GHRH: variants seen among roughly 807,000 people sequenced by gnomAD.
GHRH encodes somatoliberin.
GHRH carries 7 observed loss-of-function variants against 15.6 expected under a neutral mutation model. The observed-to-expected ratio is 0.45, with a 90% CI of 0.26 to 0.84. The LOEUF is 0.84. Among genes scored for constraint, GHRH ranks in the 40% least tolerant of loss-of-function variants. GHRH has a pLI of 0.18. For synonymous variants in GHRH, 54 were observed against 50.4 expected, an observed-to-expected ratio of 1.07 and a Z score of -0.30; for missense variants, 117 against 138.0, an observed-to-expected ratio of 0.85 and a Z score of 0.76.
chr20:37,256,606 C>T (rs2146750089), intron 2 of GHRH, 108 bp from the exon 3 acceptor site: 1 of 764,426 alleles, frequency 1.3e-6, no homozygotes, highest in South Asian at 1.7e-5. Context: ...GCCATCTGTC[C>T]CACTCACCCC....
chr20:37,260,389 C>G (rs2068681266), intron 1 of GHRH, among the ~76,000 whole-genome samples: 1 of 147,842 alleles, frequency 6.8e-6, no homozygotes, highest in Non-Finnish European at 1.5e-5. Context: ...ATGGCGAGAC[C>G]CCATCTCTAC....
At chr20:37,251,947 CTG>C (rs1336725476) in intron 4 of GHRH, among the ~76,000 whole-genome samples, 1 of 152,152 alleles carries the variant, frequency 6.6e-6, no homozygotes, top group African/African-American at 2.4e-5. Flanking sequence ...TCTGCGGGCT[CTG>C]TGATTTCAAT....
At position 37,258,028 on chromosome 20, in the gene GHRH, T is replaced by C. The variant is rs1050590711; in HGVS notation, c.-19-1120A>G. Among the ~76,000 whole-genome samples, 1 of 152,194 alleles carries C rather than the reference T, an allele frequency of 6.6e-6. No homozygotes were observed. Among genetic ancestry groups the C allele is most frequent in the Non-Finnish European group, 1.5e-5 (1 of 68,022 alleles). On this transcript the variant is annotated intron_variant, in intron 1 of 4. Transcript: ENST00000373614. The surrounding 1 kb of genome is among the most constrained non-coding windows in gnomAD (Gnocchi z 4.1). ...GACTGAAGAGCCGGGGGATCCAGTG[T>C]GGCGCAGTCATCTCATAGGTCCTGT...
intron 1 of GHRH, among the ~76,000 whole-genome samples, chr20:37,260,929 G>T (rs1412552307): frequency 6.6e-6 from 1 of 152,126 alleles, no homozygotes; most frequent in African/African-American, 2.4e-5. Context: ...ACCCAAATTC[G>T]CAAGGCCATT....
At chr20:37,256,637 T>A (rs2068657843) in intron 2 of GHRH, 139 bp from the exon 3 acceptor site, 2 of 729,148 alleles carry the variant, frequency 2.7e-6, no homozygotes, top group Admixed American at 2.6e-5. Context: ...CAGACCCCTC[T>A]GAGTGACCTC....
intron 4 of GHRH, 131 bp from the exon 5 acceptor site, chr20:37,251,362 G>T: frequency 3.0e-6 from 2 of 666,282 alleles, no homozygotes; most frequent in Non-Finnish European, 2.5e-6. Context: ...GAGGCAGTGT[G>T]GGGTGGAGGG....
rs756954591 is a variant in GHRH at position 37,256,908 on chromosome 20, C to G, written c.-19G>C. The G allele has an allele frequency of 3.2e-6, 5 of 1,585,054 alleles. No individual in the cohort carries two copies. On this transcript the variant is annotated splice_region_variant and 5_prime_UTR_variant, in exon 2 of 5. Coordinates refer to ENST00000373614, the MANE Select transcript of GHRH (RefSeq NM_021081.6). Reference sequence around the variant, plus strand: ...GTGGCATCCTTCACCCGGGGTGGCACCTGCAGAGTGACAGGAGGGGAAGGT... The same window carrying G: ...GTGGCATCCTTCACCCGGGGTGGCAGCTGCAGAGTGACAGGAGGGGAAGGT...
Position 37,259,601 on chromosome 20 carries a change from G to C in GHRH, c.-20+2142C>G, listed in dbSNP as rs113193191. On this transcript the variant is annotated intron_variant, in intron 1 of 4. Transcript: ENST00000373614. The stretch of plus-strand genomic sequence containing the variant: ...AATAAAGCTCAAACCCCTTCTCTTG[G>C]CTTAAGCTCTCCCTCTGCCTGCCCC... 1.7e-3 allele frequency among the ~76,000 whole-genome samples: 265 copies of C among 152,156 alleles called. 2 individuals carry two copies. The highest frequency in any genetic ancestry group is 6.2e-3 in the African/African-American group (257 of 41,510).
In GHRH at chr20:37,256,961, C is replaced by T. The variant is rs895403832; in HGVS notation, c.-19-53G>A. ...GGTACAGCCACAGCCATTGGGATGG[C>T]CTTCACTGGCCCAGCCCTGGGCTTG... On this transcript the variant is annotated intron_variant, in intron 1 of 4. Coordinates refer to ENST00000373614, the MANE Select transcript of GHRH (RefSeq NM_021081.6). 1.8e-5 allele frequency: 19 copies of T among 1,083,928 alleles called. No homozygotes were observed. In the African/African-American group the frequency reaches 2.9e-4, roughly 17 times the overall value. The allele number at this position is 1,083,928 out of a possible 1,614,324, so 67.1% of individuals were successfully genotyped here.
chr20:37,254,371 G>C (rs1157029123), intron 3 of GHRH, 42 bp from the exon 4 acceptor site: 3 of 1,611,596 alleles, frequency 1.9e-6, no homozygotes, highest in Non-Finnish European at 1.7e-6. Context: ...ATTTGGGTAG[G>C]ATGTGGAAAG....
chr20:37,256,342 C>T, intron 3 of GHRH, 52 bp downstream of exon 3: 2 of 1,197,558 alleles, frequency 1.7e-6, no homozygotes, highest in Non-Finnish European at 2.4e-6. Context: ...GAACAAGCTC[C>T]TGCAGACTCT....
intron 3 of GHRH, 64 bp from the exon 4 acceptor site, chr20:37,254,393 T>C: frequency 1.3e-6 from 2 of 1,542,070 alleles, no homozygotes; most frequent in East Asian, 2.2e-5. Context: ...CAGGGGTATA[T>C]CCCTATGCCT....
intron 2 of GHRH, 136 bp from the exon 3 acceptor site, chr20:37,256,634 C>T (rs897293771): frequency 1.4e-6 from 1 of 724,316 alleles, no homozygotes; most frequent in Non-Finnish European, 2.3e-6. Context: ...ACTCAGACCC[C>T]TCTGAGTGAC....
intron 1 of GHRH, among the ~76,000 whole-genome samples, chr20:37,259,868 C>G (rs886711500): frequency 6.6e-6 from 1 of 152,230 alleles, no homozygotes; most frequent in Non-Finnish European, 1.5e-5. Flanking sequence ...CATGCAGCAG[C>G]CTCCCAGGTA....
chr20:37,251,759 G>T (rs945315260), intron 4 of GHRH, among the ~76,000 whole-genome samples: 1 of 152,184 alleles, frequency 6.6e-6, no homozygotes, highest in African/African-American at 2.4e-5. Context: ...TCCTTACAGG[G>T]CTGTTACGTG....
In GHRH at chr20:37,256,902, G is replaced by T; in HGVS notation, c.-13C>A. 6.3e-7 allele frequency: 1 copy of T among 1,597,350 alleles called. No individual in the cohort carries two copies. Among genetic ancestry groups the T allele is most frequent in the Non-Finnish European group, 8.5e-7 (1 of 1,170,424 alleles). ...CCCAGAGTGGCATCCTTCACCCGGG[G>T]TGGCACCTGCAGAGTGACAGGAGGG... On this transcript the variant is annotated 5_prime_UTR_variant, in exon 2 of 5. Transcript: ENST00000373614.
At chr20:37,257,088 T>C (rs1386302457) in intron 1 of GHRH, among the ~76,000 whole-genome samples, 180 bp from the exon 2 acceptor site, 1 of 152,228 alleles carries the variant, frequency 6.6e-6, no homozygotes, top group Non-Finnish European at 1.5e-5. Context: ...GTTCTGCCTC[T>C]GCCAGCCACC....
Position 37,258,820 on chromosome 20 carries a change from G to A in GHRH, c.-19-1912C>T, listed in dbSNP as rs189573668. The stretch of plus-strand genomic sequence containing the variant: ...AGTGGTGCAATCATAGCTCACTACA[G>A]CCTCAAACTCCTGGGCTCAAGCAAT... On this transcript the variant is annotated intron_variant, in intron 1 of 4. Coordinates refer to ENST00000373614, the MANE Select transcript of GHRH (RefSeq NM_021081.6). This position sits in a 1 kb window ranked among gnomAD's most constrained non-coding sequence, Gnocchi z 4.1. 2.8e-4 allele frequency among the ~76,000 whole-genome samples: 43 copies of A among 152,180 alleles called. No individual in the cohort carries two copies. Among genetic ancestry groups the A allele is most frequent in the Admixed American group, 7.9e-4 (12 of 15,266 alleles).
chr20:37,253,896 G>T (rs187813052), intron 4 of GHRH, among the ~76,000 whole-genome samples: 1,561 of 152,244 alleles, frequency 0.01, 26 homozygotes, highest in African/African-American at 0.035. Context: ...GATTACAGGC[G>T]TGAGCCACTA....
Sources: gnomAD v4.1 joint callset for allele counts (sites outside exome capture counted in the v4.1 genomes callset) on GRCh38, gnomAD v4.1.1 for gene constraint, Gnocchi (gnomAD v3.1) non-coding constraint, MANE v1.5 for transcripts, NCBI Gene and HGNC (gene_info 2026-07-23, HGNC 2026-07-21) for gene names.